RABGAP1: variants seen among roughly 807,000 people sequenced by gnomAD.
RABGAP1 encodes the protein RAB GTPase activating protein 1, also known as rab GTPase-activating protein 1.
In RABGAP1, 23 loss-of-function variants were observed where a neutral mutation model predicts 137.6. The observed-to-expected ratio is 0.17, with a 90% CI of 0.12 to 0.24. RABGAP1 has a LOEUF of 0.24. RABGAP1 is among the 10% of genes least tolerant of loss of function. RABGAP1 has a pLI of 1.00. For missense variants in RABGAP1, 906 were observed against 1,275.8 expected (o/e 0.71, Z 4.42); for synonymous variants, 451 against 450.7 (o/e 1.00, Z -0.01).
At chr9:123,102,421 C>T (rs2035371318) in intron 25 of RABGAP1, among the ~76,000 whole-genome samples, 1 of 152,196 alleles carries the variant, frequency 6.6e-6, no homozygotes, top group African/African-American at 2.4e-5. Flanking sequence ...TCATGGCACA[C>T]ATTCACTGGG....
At chr9:122,934,648 G>A in the RABGAP1 span, among the ~76,000 whole-genome samples, 1 of 149,404 alleles carries the variant, frequency 6.7e-6, no homozygotes, top group South Asian at 2.2e-4. Flanking sequence ...GACTACAGGT[G>A]TGCAACACCA....
At chr9:123,011,437 G>A (rs758666700) in intron 11 of RABGAP1, among the ~76,000 whole-genome samples, 1 of 152,144 alleles carries the variant, frequency 6.6e-6, no homozygotes, top group Admixed American at 6.5e-5. Context: ...TAAATGAAAC[G>A]TATCCATGTA....
chr9:122,949,713 G>GAAAAAA (rs1204451702), intron 1 of RABGAP1, among the ~76,000 whole-genome samples: 1 of 132,290 alleles, frequency 7.6e-6, no homozygotes, highest in African/African-American at 3.2e-5. Context: ...AAAAAAAAAG[G>GAAAAAA]AAAAAAAAAA....
intron 19 of RABGAP1, among the ~76,000 whole-genome samples, chr9:123,082,484 A>G (rs779781721): frequency 9.5e-4 from 144 of 152,182 alleles, no homozygotes; most frequent in Non-Finnish European, 1.2e-3. Flanking sequence ...GGTCTTTTAG[A>G]TTTTTGATTC....
At chr9:122,949,988 CAGA>C (rs1304340078) in intron 1 of RABGAP1, among the ~76,000 whole-genome samples, 1 of 152,018 alleles carries the variant, frequency 6.6e-6, no homozygotes, top group Non-Finnish European at 1.5e-5. Flanking sequence ...TATGGTGTGA[CAGA>C]AGAAGATAAG....
chr9:122,952,321 C>T (rs887520667), intron 1 of RABGAP1, among the ~76,000 whole-genome samples: 4 of 151,060 alleles, frequency 2.6e-5, no homozygotes, highest in African/African-American at 7.3e-5. Context: ...TGCAGTGGTG[C>T]GATATTGGCT....
At chr9:122,984,346 C>A in intron 2 of RABGAP1, 139 bp from the exon 3 acceptor site, 1 of 739,742 alleles carries the variant, frequency 1.4e-6, no homozygotes, top group South Asian at 1.9e-5. Flanking sequence ...TTGATTTATT[C>A]TATTTTTAAA....
At chr9:122,962,930 T>G (rs1402656920) in intron 2 of RABGAP1, among the ~76,000 whole-genome samples, 3 of 152,246 alleles carry the variant, frequency 2.0e-5, no homozygotes, top group African/African-American at 7.2e-5. Flanking sequence ...GGATTGGCTA[T>G]TCTGATTTTA....
intron 8 of RABGAP1, chr9:122,996,883 T>A (rs1837047045): frequency 6.8e-6 from 3 of 438,824 alleles, no homozygotes; most frequent in Non-Finnish European, 1.2e-5. Context: ...GAAAATTTAT[T>A]AAAGAATGAT....
chr9:123,038,667 C>T (rs536732526), intron 13 of RABGAP1, among the ~76,000 whole-genome samples: 3 of 151,724 alleles, frequency 2.0e-5, no homozygotes, highest in Admixed American at 1.3e-4. Context: ...TTTTTGAAGT[C>T]CTCATAAATC....
chr9:123,060,124 T>C (rs973621167), intron 13 of RABGAP1, among the ~76,000 whole-genome samples: 1 of 152,218 alleles, frequency 6.6e-6, no homozygotes. Context: ...AGGTGGGGAA[T>C]GTGAGATTAC....
intron 13 of RABGAP1, among the ~76,000 whole-genome samples, chr9:123,060,562 A>G (rs1463837779): frequency 6.6e-6 from 1 of 152,202 alleles, no homozygotes; most frequent in Non-Finnish European, 1.5e-5. Flanking sequence ...TTTCTGGGAA[A>G]CTGCCATGTT....
chr9:123,020,361 G>C lies in RABGAP1; in HGVS notation c.1696G>C (p.Gly566Arg), dbSNP rs929870493. The part of the protein sequence containing the change: ...PKQLSSLVRN[G>R]VPEALRGEVW... ...GCAGTTGTCATCCTTAGTAAGAAAC[G>C]GTGTCCCTGAAGCTCTTCGAGGAGA... The change falls in exon 13 of 26, where the codon GGT (glycine) becomes CGT (arginine). Residue 566 changes from glycine to arginine, a missense_variant. Around this residue, in one of 9 missense-constraint regions of RABGAP1, gnomAD observed 212 missense variants for 289.4 expected, o/e 0.73. Coordinates refer to ENST00000373647, the MANE Select transcript of RABGAP1 (RefSeq NM_012197.4). The C allele has an allele frequency of 2.5e-6, 4 of 1,601,416 alleles. No homozygotes were observed. The highest frequency in any genetic ancestry group is 3.4e-6 in the Non-Finnish European group (4 of 1,173,208).
At chr9:123,042,465 C>T (rs1021906949) in intron 13 of RABGAP1, among the ~76,000 whole-genome samples, 9 of 152,116 alleles carry the variant, frequency 5.9e-5, no homozygotes, top group Non-Finnish European at 1.3e-4. Flanking sequence ...AACCAAAAAA[C>T]CCAACTGTAA....
intron 2 of RABGAP1, among the ~76,000 whole-genome samples, chr9:122,968,803 CG>C (rs1835315264): frequency 1.3e-5 from 2 of 151,636 alleles, no homozygotes; most frequent in African/African-American, 4.8e-5. Flanking sequence ...TTAGTAGAGA[CG>C]GGGTTTTGCC....
In RABGAP1 at chr9:122,979,512, T is replaced by C. The variant is rs991042671; in HGVS notation, c.151-4973T>C. Among the ~76,000 whole-genome samples, 10 of 152,348 alleles carry C rather than the reference T, an allele frequency of 6.6e-5. No homozygotes were observed. In the South Asian group the frequency reaches 2.1e-3, roughly 32 times the overall value. Reference sequence around the variant, plus strand: ...CAAGTTTTTCTTTTATGATTCATACTTTTTATGTCCTAAGAAATCTCTATG... The same window carrying C: ...CAAGTTTTTCTTTTATGATTCATACCTTTTATGTCCTAAGAAATCTCTATG... On this transcript the variant is annotated intron_variant, in intron 2 of 25. Coordinates refer to ENST00000373647, the MANE Select transcript of RABGAP1 (RefSeq NM_012197.4).
chr9:123,027,308 G>T (rs771578747), intron 13 of RABGAP1, among the ~76,000 whole-genome samples: 3 of 151,948 alleles, frequency 2.0e-5, no homozygotes, highest in Admixed American at 2.0e-4. Flanking sequence ...TAGAGATGGG[G>T]TTTCACCATG....
At chr9:122,992,263 T>C (rs1836765252) in intron 6 of RABGAP1, among the ~76,000 whole-genome samples, 1 of 152,154 alleles carries the variant, frequency 6.6e-6, no homozygotes, top group Non-Finnish European at 1.5e-5. Flanking sequence ...GGTCTCAAAC[T>C]CCCGGCCTCA....
chr9:123,098,253 T>C (rs2035241933), intron 22 of RABGAP1, among the ~76,000 whole-genome samples: 1 of 152,212 alleles, frequency 6.6e-6, no homozygotes, highest in South Asian at 2.1e-4. Context: ...CCTGCAGGCA[T>C]GGGAAGAGCT....
Sources: gnomAD v4.1 joint callset for allele counts (sites outside exome capture counted in the v4.1 genomes callset) on GRCh38, gnomAD v4.1.1 for gene constraint, gnomAD v4.1.1 regional missense constraint, MANE v1.5 for transcripts, NCBI Gene and HGNC (gene_info 2026-07-23, HGNC 2026-07-21) for gene names.